The following WNT3 variants were observed in gnomAD, a reference collection of about 807,000 sequenced individuals.
WNT3 encodes proto-oncogene Wnt-3.
WNT3 carries 7 observed loss-of-function variants against 34.2 expected under a neutral mutation model. The ratio of observed to expected loss-of-function variants is 0.20; its 90% CI spans 0.12 to 0.38. The LOEUF is 0.38. Ranked by LOEUF, WNT3 falls within the 10% of genes least tolerant of loss-of-function variation. The pLI is 1.00. For synonymous variants in WNT3, 212 were observed against 211.5 expected (o/e 1.00, Z -0.02); for missense variants, 267 against 499.8 (o/e 0.53, Z 4.44).
intron 1 of WNT3, among the ~76,000 whole-genome samples, chr17:46,812,507 C>T (rs1012235834): frequency 6.6e-6 from 1 of 152,220 alleles, no homozygotes; most frequent in African/African-American, 2.4e-5. Context: ...CTGCCTCCCC[C>T]ACCCCTTCTG....
chr17:46,776,506 G>A (rs199520), intron 1 of WNT3, among the ~76,000 whole-genome samples: 95,054 of 152,092 alleles, frequency 0.62, 32,347 homozygotes, highest in South Asian at 0.82. Context: ...TTTCCAAGAT[G>A]AGGAAACTGA....
At chr17:46,794,610 ACC>A (rs1387931606) in intron 1 of WNT3, among the ~76,000 whole-genome samples, 1 of 152,016 alleles carries the variant, frequency 6.6e-6, no homozygotes, top group African/African-American at 2.4e-5. Context: ...CAGCACCTTA[ACC>A]CATTCTCACA....
At chr17:46,795,778 T>G (rs1441230377) in intron 1 of WNT3, among the ~76,000 whole-genome samples, 1 of 152,188 alleles carries the variant, frequency 6.6e-6, no homozygotes, top group Non-Finnish European at 1.5e-5. Context: ...TGGTCTGTCA[T>G]GAAGGTGCTA....
At chr17:46,785,164 G>A (rs569588583) in intron 1 of WNT3, among the ~76,000 whole-genome samples, 25 of 152,264 alleles carry the variant, frequency 1.6e-4, no homozygotes, top group African/African-American at 5.8e-4. Context: ...CACACAGTGG[G>A]ACCTCCCAGC....
At chr17:46,771,248 G>T (rs572091504) in intron 2 of WNT3, among the ~76,000 whole-genome samples, 1 of 152,130 alleles carries the variant, frequency 6.6e-6, no homozygotes, top group Non-Finnish European at 1.5e-5. Context: ...TGCCAGGGCC[G>T]ACCGAGGACG....
At chr17:46,780,999 C>T (rs1376258625) in intron 1 of WNT3, among the ~76,000 whole-genome samples, 3 of 151,942 alleles carry the variant, frequency 2.0e-5, no homozygotes, top group Admixed American at 6.6e-5. Context: ...GAGGCTGAGG[C>T]GGGTGGATCA....
chr17:46,793,101 C>G (rs1397018675), intron 1 of WNT3, among the ~76,000 whole-genome samples: 1 of 32,620 alleles, frequency 3.1e-5, no homozygotes, highest in African/African-American at 1.1e-4. Flanking sequence ...CTTGTTTCTA[C>G]TAAAATTAAA....
intron 2 of WNT3, among the ~76,000 whole-genome samples, chr17:46,771,978 C>CCCAGA (rs1243593750): frequency 6.6e-6 from 1 of 150,376 alleles, no homozygotes; most frequent in Non-Finnish European, 1.5e-5. Context: ...CCCCGCCGCC[C>CCCAGA]CCAGACTCGC....
intron 1 of WNT3, among the ~76,000 whole-genome samples, chr17:46,815,509 G>T (rs916161022): frequency 5.3e-5 from 8 of 152,144 alleles, no homozygotes; most frequent in Admixed American, 2.0e-4. Context: ...GCCAAGATGG[G>T]CTTAGATGCT....
chr17:46,783,558 G>A (rs1207693338), intron 1 of WNT3, among the ~76,000 whole-genome samples: 3 of 152,186 alleles, frequency 2.0e-5, no homozygotes, highest in Non-Finnish European at 4.4e-5. Context: ...TGGGCACTGT[G>A]GGTGCCTTAA....
chr17:46,809,500 C>CGCAGTTTT (rs2084243238), intron 1 of WNT3, among the ~76,000 whole-genome samples: 1 of 152,186 alleles, frequency 6.6e-6, no homozygotes, highest in Non-Finnish European at 1.5e-5. Flanking sequence ...ACTCAGTCCT[C>CGCAGTTTT]GCAGTTTTTC....
chr17:46,774,077 C>T (rs2059395970), intron 1 of WNT3, among the ~76,000 whole-genome samples, 168 bp from the exon 2 acceptor site: 1 of 152,252 alleles, frequency 6.6e-6, no homozygotes, highest in Non-Finnish European at 1.5e-5. Flanking sequence ...CCCCTCAAAG[C>T]GCAGAGCTCT....
At chr17:46,770,757 T>G (rs1033348567) in intron 2 of WNT3, among the ~76,000 whole-genome samples, 1 of 151,838 alleles carries the variant, frequency 6.6e-6, no homozygotes, top group African/African-American at 2.4e-5. Context: ...TGTCCCAGGG[T>G]CCAGCGCAGG....
intron 1 of WNT3, among the ~76,000 whole-genome samples, chr17:46,794,981 C>G (rs1357617918): frequency 6.6e-6 from 1 of 151,994 alleles, no homozygotes; most frequent in East Asian, 1.9e-4. Flanking sequence ...GAACTCCTGA[C>G]CACAGGTGAT....
intron 1 of WNT3, among the ~76,000 whole-genome samples, chr17:46,795,653 C>G (rs894101774): frequency 1.3e-5 from 2 of 152,194 alleles, no homozygotes; most frequent in African/African-American, 2.4e-5. Context: ...CAGTGGGTGA[C>G]GACACCAAGC....
At chr17:46,787,218 G>A (rs570267870) in intron 1 of WNT3, among the ~76,000 whole-genome samples, 2 of 152,000 alleles carry the variant, frequency 1.3e-5, no homozygotes, top group South Asian at 4.2e-4. Flanking sequence ...TGGGATTACA[G>A]GTGTGAGCCA....
chr17:46,770,752 C>G (rs1268289288), intron 2 of WNT3, among the ~76,000 whole-genome samples: 1 of 152,216 alleles, frequency 6.6e-6, no homozygotes, highest in Non-Finnish European at 1.5e-5. Context: ...GGTTCTGTCC[C>G]AGGGTCCAGC....
At chr17:46,766,105 G>A (rs911038985) in intron 4 of WNT3, among the ~76,000 whole-genome samples, 2 of 152,166 alleles carry the variant, frequency 1.3e-5, no homozygotes, top group Admixed American at 1.3e-4. Flanking sequence ...GAGAAAGAGG[G>A]CTGATGAAGA....
At chr17:46,765,605 T>G (rs1245611541) in intron 4 of WNT3, among the ~76,000 whole-genome samples, 1 of 152,204 alleles carries the variant, frequency 6.6e-6, no homozygotes, top group Non-Finnish European at 1.5e-5. Context: ...AACGACTCTG[T>G]CCCCTGCCAT....
Sources: allele counts gnomAD v4.1 joint callset (sites outside exome capture counted in the v4.1 genomes callset), GRCh38; gene constraint gnomAD v4.1.1; transcripts MANE v1.5; gene names NCBI Gene and HGNC (gene_info 2026-07-23, HGNC 2026-07-21).